COL11A2: variants seen among roughly 807,000 people sequenced by gnomAD.
The protein encoded by COL11A2 is collagen type XI alpha 2 chain, also known as collagen alpha-2(XI) chain.
Under a neutral mutation model 273.4 loss-of-function variants are expected in COL11A2, and 116 were observed. The observed-to-expected ratio is 0.42, with a 90% CI of 0.36 to 0.49. The LOEUF is 0.49. Among genes scored for constraint, COL11A2 ranks in the 20% least tolerant of loss-of-function variants. The pLI, the probability that COL11A2 is intolerant of heterozygous loss-of-function variation, is 0.00. For missense variants in COL11A2, 1,866 were observed against 2,309.0 expected (o/e 0.81, Z 3.93); for synonymous variants, 782 against 864.2 (o/e 0.90, Z 1.67).
chr6:33,186,593 G>A (rs752741532), intron 5 of COL11A2, 34 bp downstream of exon 5: 11 of 1,614,088 alleles, frequency 6.8e-6, no homozygotes, highest in African/African-American at 2.7e-5. Context: ...TCTCTGGGGT[G>A]TGCTGCACTT....
Position 33,189,213 on chromosome 6 carries a change from A to G in COL11A2, c.233-25T>C. 2 of 1,612,992 alleles carry G rather than the reference A, an allele frequency of 1.2e-6. No individual in the cohort carries two copies. Among genetic ancestry groups the G allele is most frequent in the Non-Finnish European group, 1.7e-6 (2 of 1,179,410 alleles). On this transcript the variant is annotated intron_variant, in intron 2 of 65. Coordinates refer to ENST00000341947, the MANE Select transcript of COL11A2 (RefSeq NM_080680.3). The surrounding 1 kb of genome is among the most constrained non-coding windows in gnomAD (Gnocchi z 5.6). The stretch of plus-strand genomic sequence containing the variant: ...CCTAGTAACCGAGAGAGATACACAC[A>G]GAGTGAGAGGCAAAGGGAGCCGCCA...
Position 33,177,870 on chromosome 6 carries a change from T to A in COL11A2, c.1873-164A>T. ...CCTGCAGTGTGTGGGACTGTGGATC[T>A]GTGGGCTTGTGGGCTTTGGTTTTGT... On this transcript the variant is annotated intron_variant, in intron 21 of 65. Transcript: ENST00000341947. The surrounding 1 kb of genome is among the most constrained non-coding windows in gnomAD (Gnocchi z 5.9). 1.2e-6 allele frequency: 1 copy of A among 810,510 alleles called. No individual in the cohort carries two copies. 50.2% of individuals were successfully genotyped at this position (810,510 alleles called of 1,614,324 possible). A position where few individuals can be genotyped will look rare whatever the true frequency, so the allele number is the denominator to read the frequency against.
rs1053123998 is a variant in COL11A2 at position 33,184,339 on chromosome 6, G to T, written c.940-15C>A. ...TCTGTCTGCTCCTTCCCAGGGATGG[G>T]GAGGGAGAGGGGTAGATGGGGATGT... On this transcript the variant is annotated splice_polypyrimidine_tract_variant and intron_variant, in intron 7 of 65. Coordinates refer to ENST00000341947, the MANE Select transcript of COL11A2 (RefSeq NM_080680.3). 2 of 1,360,916 alleles carry T rather than the reference G, an allele frequency of 1.5e-6. No homozygotes were observed. Among genetic ancestry groups the T allele is most frequent in the African/African-American group, 3.0e-5 (2 of 67,638 alleles). The allele number at this position is 1,360,916 out of a possible 1,614,324, so 84.3% of individuals were successfully genotyped here.
rs1490102197 is a variant in COL11A2, at chr6:33,178,136, G to A, written c.1868C>T (p.Pro623Leu). 3 of 1,609,130 alleles carry A rather than the reference G, an allele frequency of 1.9e-6. No homozygotes were observed. The South Asian group carries it at 3.3e-5, about 18-fold the overall frequency. ...AGAAGTCAGGGAGTCACTTACAGGG[G>A]GTCCAGGAATACCAGGTGGGCCTTT... ...GPKGPPGIPG[P>L]PGVRGMDGPQ... is the part of the protein sequence containing the mutation. The change falls in exon 21 of 66, where the codon CCC (proline) becomes CTC (leucine). Residue 623 changes from proline (P) to leucine (L), a missense_variant. Pro to Leu is a moderately conservative substitution (Grantham distance 98). Transcript: ENST00000341947. The surrounding 1 kb of genome is among the most constrained non-coding windows in gnomAD (Gnocchi z 4.6).
chr6:33,173,655 G>C lies in COL11A2; in HGVS notation c.2628+46C>G. Reference sequence around the variant, plus strand: ...GTGAGGAGGGAGCTGGCTCACCCAGGCTCCCTGGGGACCTCAGGGGAAGGG... The same window carrying C: ...GTGAGGAGGGAGCTGGCTCACCCAGCCTCCCTGGGGACCTCAGGGGAAGGG... On this transcript the variant is annotated intron_variant, in intron 35 of 65. Coordinates refer to ENST00000341947, the MANE Select transcript of COL11A2 (RefSeq NM_080680.3). The surrounding 1 kb of genome is among the most constrained non-coding windows in gnomAD (Gnocchi z 6.3). The C allele has an allele frequency of 2.6e-6, 4 of 1,544,958 alleles. No individual in the cohort carries two copies. Among genetic ancestry groups the C allele is most frequent in the Non-Finnish European group, 3.5e-6 (4 of 1,131,806 alleles).
In COL11A2 at chr6:33,192,056, T is replaced by C. The variant is rs1439184966; in HGVS notation, c.82+103A>G. ...AGCCTTGAAGCCCCAAATCTCCTTGTTAGACTCAGAAGCTGCTGCCCCAGG... is the reference window on the plus strand; with the variant it reads ...AGCCTTGAAGCCCCAAATCTCCTTGCTAGACTCAGAAGCTGCTGCCCCAGG... On this transcript the variant is annotated intron_variant, in intron 1 of 65. Transcript: ENST00000341947. The C allele has an allele frequency of 3.7e-6, 4 of 1,095,022 alleles. No individual in the cohort carries two copies. In the African/African-American group the frequency reaches 4.7e-5, roughly 13 times the overall value. 67.8% of individuals were successfully genotyped at this position (1,095,022 alleles called of 1,614,324 possible). A position where few individuals can be genotyped will look rare whatever the true frequency, so the allele number is the denominator to read the frequency against.
At position 33,163,556 on chromosome 6, in the gene COL11A2, C is replaced by G. The variant is rs1768640580; in HGVS notation, c.*122G>C. The G allele has an allele frequency of 1.3e-6, 2 of 1,515,484 alleles. No homozygotes were observed. Among genetic ancestry groups the G allele is most frequent in the African/African-American group, 2.7e-5 (2 of 72,832 alleles). The allele number at this position is 1,515,484 out of a possible 1,614,324, so 93.9% of individuals were successfully genotyped here. Reference sequence around the variant, plus strand: ...CTGGCCTGCCCCGACTGAGGGCTCTCCACGCCCTGGCCCAGGGCTCCCTAG... The same window carrying G: ...CTGGCCTGCCCCGACTGAGGGCTCTGCACGCCCTGGCCCAGGGCTCCCTAG... On this transcript the variant is annotated 3_prime_UTR_variant, in exon 66 of 66. Coordinates refer to ENST00000341947, the MANE Select transcript of COL11A2 (RefSeq NM_080680.3). This position sits in a 1 kb window ranked among gnomAD's most constrained non-coding sequence, Gnocchi z 4.1.
chr6:33,185,624 GGAGGA>G, intron 6 of COL11A2, 72 bp downstream of exon 6: 1 of 584,698 alleles, frequency 1.7e-6, no homozygotes, highest in Non-Finnish European at 3.2e-6. Flanking sequence ...ATGGGGGAGG[GGAGGA>G]AGGTGTCCTA....
Position 33,167,305 on chromosome 6 carries a change from G to C in COL11A2, c.4135C>G (p.Arg1379Gly). The change falls in exon 57 of 66, where the codon CGA (arginine) becomes GGA (glycine). Residue 1379 changes from arginine to glycine, a missense_variant. Physicochemically the swap from Arg to Gly is moderately radical, Grantham distance 125. Transcript: ENST00000341947. This position sits in a 1 kb window ranked among gnomAD's most constrained non-coding sequence, Gnocchi z 6.1. ...CCAGCCTGGCCTGTAGCTCCAGGTC[G>C]GCCTTGCTGACCCTGAAGATTTGAG... ...GLPGSVGQQG[R>G]PGATGQAGPP... 6.2e-7 allele frequency: 1 copy of C among 1,613,752 alleles called. No homozygotes were observed. The highest frequency in any genetic ancestry group is 8.5e-7 in the Non-Finnish European group (1 of 1,180,004).
At position 33,169,362 on chromosome 6, in the gene COL11A2, C is replaced by G. The variant is rs775957881; in HGVS notation, c.3798+21G>C. The stretch of plus-strand genomic sequence containing the variant: ...ATTCACAGGGCCTGAGAGGACTCAG[C>G]CCCCACTGCCCCAAACTCACAGGGT... On this transcript the variant is annotated intron_variant, in intron 51 of 65. Coordinates refer to ENST00000341947, the MANE Select transcript of COL11A2 (RefSeq NM_080680.3). This position sits in a 1 kb window ranked among gnomAD's most constrained non-coding sequence, Gnocchi z 5.5. The G allele has an allele frequency of 3.2e-6, 5 of 1,586,482 alleles. No individual in the cohort carries two copies. The South Asian group carries it at 5.5e-5, about 18-fold the overall frequency.
Position 33,180,655 on chromosome 6 carries a change from G to A in COL11A2, c.1284+13C>T, listed in dbSNP as rs118101422. On this transcript the variant is annotated intron_variant, in intron 11 of 65. Coordinates refer to ENST00000341947, the MANE Select transcript of COL11A2 (RefSeq NM_080680.3). ...CCCGAAGCTCCCCCGTCACATGGAG[G>A]ACACCCCCTTACCCTCTCTCCAGGG... 1 of 1,600,760 alleles carries A rather than the reference G, an allele frequency of 6.2e-7. No homozygotes were observed. Among genetic ancestry groups the A allele is most frequent in the East Asian group, 2.2e-5 (1 of 44,516 alleles).
rs745874805 is a variant in COL11A2, at chr6:33,177,237, G to GA, written c.1972-13dup. On this transcript the variant is annotated splice_polypyrimidine_tract_variant and intron_variant, in intron 23 of 65. Transcript: ENST00000341947. The surrounding 1 kb of genome is among the most constrained non-coding windows in gnomAD (Gnocchi z 5.9). Reference sequence around the variant, plus strand: ...GGCCCGGGAAGACCCTACATACAGGGAAAGAGAAGTCACAGGGGCCTCCCA... The same window carrying GA: ...GGCCCGGGAAGACCCTACATACAGGGAAAAGAGAAGTCACAGGGGCCTCCCA... 3 of 1,612,888 alleles carry GA rather than the reference G, an allele frequency of 1.9e-6. No homozygotes were observed. The highest frequency in any genetic ancestry group is 2.5e-6 in the Non-Finnish European group (3 of 1,179,998).
rs750818979 is a variant in COL11A2, at chr6:33,179,010, C to T, written c.1612-37G>A. 4.3e-6 allele frequency: 7 copies of T among 1,614,048 alleles called. No individual in the cohort carries two copies. The highest frequency in any genetic ancestry group is 1.7e-5 in the Admixed American group (1 of 60,022). On this transcript the variant is annotated intron_variant, in intron 16 of 65. Coordinates refer to ENST00000341947, the MANE Select transcript of COL11A2 (RefSeq NM_080680.3). The surrounding 1 kb of genome is among the most constrained non-coding windows in gnomAD (Gnocchi z 6.4). Reference sequence around the variant, plus strand: ...AGGGAAGTGTCAGAACAAGCAGGGCCGCAGTCCCCTACCCTGCAGGCCCTG... The same window carrying T: ...AGGGAAGTGTCAGAACAAGCAGGGCTGCAGTCCCCTACCCTGCAGGCCCTG...
chr6:33,171,760 G>A lies in COL11A2; in HGVS notation c.3103C>T (p.Pro1035Ser). ...GCTCCAGGGGGACCCTGCGGGCCTG[G>A]GCGCCCTGGCGGACCAATGGGTCCC... ...SGGPIGPPGR[P>S]GPQGPPGAAG... The change falls in exon 42 of 66, where the codon CCA becomes TCA. Residue 1035 changes from proline to serine, a missense_variant. Transcript: ENST00000341947. The A allele has an allele frequency of 6.2e-7, 1 of 1,612,914 alleles. No homozygotes were observed. The highest frequency in any genetic ancestry group is 8.5e-7 in the Non-Finnish European group (1 of 1,179,964).
intron 8 of COL11A2, 61 bp from the exon 9 acceptor site, chr6:33,181,231 TTCTCCA>T (rs1771695607): frequency 6.4e-7 from 1 of 1,550,900 alleles, no homozygotes; most frequent in Non-Finnish European, 8.9e-7. Flanking sequence ...CACTAGGCCT[TTCTCCA>T]TCTCAACTCC....
chr6:33,173,682 A>G lies in COL11A2; in HGVS notation c.2628+19T>C. 6.4e-7 allele frequency: 1 copy of G among 1,557,082 alleles called. No individual in the cohort carries two copies. The highest frequency in any genetic ancestry group is 8.7e-7 in the Non-Finnish European group (1 of 1,149,982). ...TCCCTGGGGACCTCAGGGGAAGGGG[A>G]CTTTCGATCCACACTCACCCTCTCT... is the stretch of plus-strand genomic sequence containing the variant. On this transcript the variant is annotated intron_variant, in intron 35 of 65. Transcript: ENST00000341947. This position sits in a 1 kb window ranked among gnomAD's most constrained non-coding sequence, Gnocchi z 6.3.
intron 4 of COL11A2, 52 bp from the exon 5 acceptor site, chr6:33,186,870 G>T (rs1159001412): frequency 2.5e-6 from 4 of 1,610,226 alleles, no homozygotes; most frequent in Non-Finnish European, 3.4e-6. Flanking sequence ...GAGGCAGAGG[G>T]TATCATCCGG....
chr6:33,190,324 C>G lies in COL11A2; in HGVS notation c.83-855G>C, dbSNP rs1772964995. On this transcript the variant is annotated intron_variant, in intron 1 of 65. Transcript: ENST00000341947. The surrounding 1 kb of genome is among the most constrained non-coding windows in gnomAD (Gnocchi z 4.5). ...CCAGAACCCAGGCAAGCTCCCCACA[C>G]CTGGAACCTCAATCCTGTCTCACCA... 6.6e-6 allele frequency among the ~76,000 whole-genome samples: 1 copy of G among 152,084 alleles called. No homozygotes were observed. Among genetic ancestry groups the G allele is most frequent in the Admixed American group, 6.5e-5 (1 of 15,276 alleles).
intron 30 of COL11A2, 86 bp downstream of exon 30, chr6:33,175,488 G>A: frequency 9.2e-7 from 1 of 1,082,404 alleles, no homozygotes; most frequent in Non-Finnish European, 1.4e-6. Context: ...CTGACTGGCT[G>A]ACTTCAGCGG....
Sources: gnomAD v4.1 joint callset for allele counts (sites outside exome capture counted in the v4.1 genomes callset) on GRCh38, gnomAD v4.1.1 for gene constraint, Gnocchi (gnomAD v3.1) non-coding constraint, MANE v1.5 for transcripts, NCBI Gene and HGNC (gene_info 2026-07-23, HGNC 2026-07-21) for gene names.